Variants in CAMKMT observed in about 807,000 individuals in gnomAD.
CAMKMT encodes calmodulin-lysine N-methyltransferase.
In CAMKMT, 53 loss-of-function variants were observed where a neutral mutation model predicts 48.0. The observed-to-expected ratio is 1.10, with a 90% CI of 0.89 to 1.39. CAMKMT has a LOEUF of 1.39. Ranked by LOEUF, CAMKMT falls within the 40% of genes most tolerant of loss-of-function variation. The pLI is 0.00. For missense variants in CAMKMT, 428 were observed against 402.7 expected (o/e 1.06, Z -0.54); for synonymous variants, 165 against 152.3 (o/e 1.08, Z -0.61).
At chr2:44,663,160 A>G (rs1326699008) in intron 3 of CAMKMT, among the ~76,000 whole-genome samples, 1 of 152,212 alleles carries the variant, frequency 6.6e-6, no homozygotes. Context: ...TATCTAATCC[A>G]TGATCCACAC....
At chr2:44,532,700 A>G (rs1666551790) in intron 3 of CAMKMT, among the ~76,000 whole-genome samples, 2 of 152,246 alleles carry the variant, frequency 1.3e-5, no homozygotes, top group South Asian at 4.1e-4. Context: ...CCAGTAAGGC[A>G]CATTTGTAAG....
intron 3 of CAMKMT, among the ~76,000 whole-genome samples, chr2:44,658,262 A>G (rs1674481313): frequency 6.6e-6 from 1 of 152,236 alleles, no homozygotes. Flanking sequence ...ATTTATTATC[A>G]ATTACTTTCC....
chr2:44,578,601 C>T (rs1439922030), intron 3 of CAMKMT, among the ~76,000 whole-genome samples: 2 of 152,204 alleles, frequency 1.3e-5, no homozygotes, highest in Non-Finnish European at 2.9e-5. Context: ...TAGGCTAACA[C>T]TGGCCTTTAG....
intron 1 of CAMKMT, among the ~76,000 whole-genome samples, chr2:44,369,257 C>T (rs543781393): frequency 3.9e-5 from 6 of 152,200 alleles, no homozygotes; most frequent in East Asian, 3.9e-4. Context: ...CTACCTTTTC[C>T]GATCCTCCAT....
At chr2:44,577,402 T>G (rs959072233) in intron 3 of CAMKMT, among the ~76,000 whole-genome samples, 3 of 152,176 alleles carry the variant, frequency 2.0e-5, no homozygotes, top group East Asian at 3.9e-4. Context: ...GAAGATCGTT[T>G]AAGTTTAGGC....
chr2:44,541,361 C>G (rs1250458610), intron 3 of CAMKMT, among the ~76,000 whole-genome samples: 1 of 152,170 alleles, frequency 6.6e-6, no homozygotes, highest in African/African-American at 2.4e-5. Flanking sequence ...TTCAAGTCTA[C>G]TCTTGGGGCT....
intron 3 of CAMKMT, among the ~76,000 whole-genome samples, chr2:44,462,446 T>C (rs13399117): frequency 0.039 from 5,989 of 152,244 alleles, 400 homozygotes; most frequent in African/African-American, 0.14. Flanking sequence ...TTTTTTTTCA[T>C]GTCAATGAAC....
At chr2:44,485,740 T>C (rs1430157355) in intron 3 of CAMKMT, among the ~76,000 whole-genome samples, 3 of 152,126 alleles carry the variant, frequency 2.0e-5, no homozygotes, top group Non-Finnish European at 4.4e-5. Flanking sequence ...GGGACCAACA[T>C]ATATGTGGTC....
At chr2:44,490,331 A>G (rs188145934) in intron 3 of CAMKMT, among the ~76,000 whole-genome samples, 29 of 151,968 alleles carry the variant, frequency 1.9e-4, no homozygotes, top group Admixed American at 1.9e-3. Context: ...ACTGGAGTGC[A>G]ATGGCGCGAT....
intron 3 of CAMKMT, among the ~76,000 whole-genome samples, chr2:44,431,939 T>A (rs1228682677): frequency 6.6e-6 from 1 of 152,154 alleles, no homozygotes; most frequent in Admixed American, 6.5e-5. Context: ...AGGCTGTGCT[T>A]CACTTTCAGA....
At chr2:44,738,776 G>A (rs953250843) in intron 7 of CAMKMT, among the ~76,000 whole-genome samples, 3 of 152,158 alleles carry the variant, frequency 2.0e-5, no homozygotes, top group Non-Finnish European at 4.4e-5. Flanking sequence ...GCAAGATAAG[G>A]GGGTTTTAGA....
chr2:44,557,760 T>A (rs1215025367), intron 3 of CAMKMT, among the ~76,000 whole-genome samples: 1 of 152,240 alleles, frequency 6.6e-6, no homozygotes, highest in African/African-American at 2.4e-5. Context: ...GTGGAGAAAG[T>A]ATTTTTAAGT....
At chr2:44,425,103 T>C (rs1226703320) in intron 3 of CAMKMT, among the ~76,000 whole-genome samples, 1 of 152,226 alleles carries the variant, frequency 6.6e-6, no homozygotes, top group Non-Finnish European at 1.5e-5. Flanking sequence ...AAATGTTGCA[T>C]ATTTTCAAAT....
intron 3 of CAMKMT, among the ~76,000 whole-genome samples, chr2:44,430,097 C>G (rs1684559063): frequency 1.3e-5 from 2 of 151,792 alleles, no homozygotes; most frequent in South Asian, 2.1e-4. Flanking sequence ...GTTTGAGATT[C>G]TCATGGTGCT....
intron 9 of CAMKMT, among the ~76,000 whole-genome samples, chr2:44,759,366 C>T (rs1373690410): frequency 6.6e-6 from 1 of 152,200 alleles, no homozygotes; most frequent in Admixed American, 6.5e-5. Flanking sequence ...AGCAATCCTC[C>T]TCCTTGGCCT....
intron 8 of CAMKMT, among the ~76,000 whole-genome samples, chr2:44,750,736 G>A (rs1573228629): frequency 1.3e-5 from 2 of 152,166 alleles, no homozygotes; most frequent in African/African-American, 2.4e-5. Flanking sequence ...AGATGAGGCC[G>A]GGCACGGTGG....
chr2:44,402,020 T>C (rs1204177139), intron 3 of CAMKMT, among the ~76,000 whole-genome samples: 1 of 152,110 alleles, frequency 6.6e-6, no homozygotes, highest in Non-Finnish European at 1.5e-5. Flanking sequence ...TGTGATACTT[T>C]GGTTGGATAT....
intron 3 of CAMKMT, among the ~76,000 whole-genome samples, chr2:44,615,051 C>G (rs1671808659): frequency 7.0e-6 from 1 of 143,324 alleles, no homozygotes; most frequent in Admixed American, 7.4e-5. Flanking sequence ...TCTCTGCCAC[C>G]TGAGTAGTTG....
chr2:44,558,661 C>T (rs1436024928), intron 3 of CAMKMT, among the ~76,000 whole-genome samples: 2 of 152,064 alleles, frequency 1.3e-5, no homozygotes. Context: ...GGCCATTATC[C>T]TAAGCAAATT....
Sources: gnomAD v4.1 joint callset for allele counts (sites outside exome capture counted in the v4.1 genomes callset) on GRCh38, gnomAD v4.1.1 for gene constraint, MANE v1.5 for transcripts, NCBI Gene and HGNC (gene_info 2026-07-23, HGNC 2026-07-21) for gene names.